The following PTPRD variants were observed in gnomAD, a reference collection of about 807,000 sequenced individuals.
PTPRD encodes the protein protein tyrosine phosphatase receptor type D, also known as receptor-type tyrosine-protein phosphatase delta.
Under a neutral mutation model 214.5 loss-of-function variants are expected in PTPRD, and 34 were observed. The observed-to-expected ratio is 0.16, with a 90% CI of 0.12 to 0.21. The LOEUF is 0.21. Ranked by LOEUF, PTPRD falls within the 10% of genes least tolerant of loss-of-function variation. The pLI, the probability that PTPRD is intolerant of heterozygous loss-of-function variation, is 1.00. For synonymous variants in PTPRD, 1,128 were observed against 845.7 expected, an observed-to-expected ratio of 1.33 and a Z score of -5.79; for missense variants, 2,545 against 2,398.7, an observed-to-expected ratio of 1.06 and a Z score of -1.27.
At chr9:9,450,777 T>C (rs2091924379) in intron 8 of PTPRD, among the ~76,000 whole-genome samples, 1 of 151,562 alleles carries the variant, frequency 6.6e-6, no homozygotes, top group South Asian at 2.1e-4. Context: ...CCCTGTAAAA[T>C]TATCTTTTAA....
intron 2 of PTPRD, among the ~76,000 whole-genome samples, chr9:10,468,593 C>G (rs368618885): frequency 6.6e-6 from 1 of 152,150 alleles, no homozygotes; most frequent in African/African-American, 2.4e-5. Flanking sequence ...CACATGTATA[C>G]CTATGTAACT....
intron 3 of PTPRD, among the ~76,000 whole-genome samples, chr9:10,328,597 A>T (rs1021083637): frequency 6.6e-6 from 1 of 151,822 alleles, no homozygotes; most frequent in Non-Finnish European, 1.5e-5. Context: ...AGTTTTCCCG[A>T]GACTTTGAAT....
chr9:9,010,337 A>G (rs555095028), intron 11 of PTPRD, among the ~76,000 whole-genome samples: 6 of 152,296 alleles, frequency 3.9e-5, no homozygotes, highest in African/African-American at 1.4e-4. Context: ...AGACTTTTTG[A>G]GTTACTGATG....
intron 44 of PTPRD, among the ~76,000 whole-genome samples, chr9:8,330,229 A>C (rs1838689824): frequency 6.6e-6 from 1 of 152,132 alleles, no homozygotes; most frequent in African/African-American, 2.4e-5. Context: ...AGTCCCAATG[A>C]GATGAAATGG....
chr9:8,520,853 T>G (rs2097876199), intron 20 of PTPRD, among the ~76,000 whole-genome samples: 1 of 150,284 alleles, frequency 6.7e-6, no homozygotes, highest in African/African-American at 2.5e-5. Flanking sequence ...GATTTCAACT[T>G]TTTTTTTCTT....
At chr9:10,096,221 T>C (rs969149799) in intron 3 of PTPRD, among the ~76,000 whole-genome samples, 2 of 151,720 alleles carry the variant, frequency 1.3e-5, no homozygotes, top group Admixed American at 6.6e-5. Context: ...ACAGGAAAAG[T>C]TACTAAGATA....
At chr9:8,436,136 G>A (rs1416070632) in intron 35 of PTPRD, among the ~76,000 whole-genome samples, 1 of 152,100 alleles carries the variant, frequency 6.6e-6, no homozygotes, top group Non-Finnish European at 1.5e-5. Flanking sequence ...ATTTATATGT[G>A]AAATCCAAAG....
intron 7 of PTPRD, among the ~76,000 whole-genome samples, chr9:9,670,921 G>A (rs2096820555): frequency 6.6e-6 from 1 of 152,178 alleles, no homozygotes; most frequent in Admixed American, 6.5e-5. Context: ...TGTGGGGTTG[G>A]AGATCCCCAC....
At chr9:9,194,896 G>C (rs2099937387) in intron 9 of PTPRD, among the ~76,000 whole-genome samples, 1 of 151,958 alleles carries the variant, frequency 6.6e-6, no homozygotes, top group South Asian at 2.1e-4. Flanking sequence ...TGTATCTTTA[G>C]TAAGTCAGTG....
intron 29 of PTPRD, among the ~76,000 whole-genome samples, chr9:8,485,007 A>G (rs939825236): frequency 3.3e-5 from 5 of 152,232 alleles, no homozygotes; most frequent in Non-Finnish European, 7.3e-5. Flanking sequence ...GTAACCTACA[A>G]GTGATGCCAG....
At chr9:8,385,398 C>T (rs2086624017) in intron 37 of PTPRD, among the ~76,000 whole-genome samples, 1 of 152,152 alleles carries the variant, frequency 6.6e-6, no homozygotes. Flanking sequence ...GGGTGCTGTG[C>T]ACCTGTAGTC....
intron 3 of PTPRD, among the ~76,000 whole-genome samples, chr9:10,086,248 T>C (rs1401313568): frequency 6.6e-6 from 1 of 151,836 alleles, no homozygotes; most frequent in Admixed American, 6.6e-5. Context: ...CAATTTTAGA[T>C]GTGATCCTCC....
chr9:9,103,415 T>A (rs2099794031), intron 10 of PTPRD, among the ~76,000 whole-genome samples: 2 of 151,960 alleles, frequency 1.3e-5, no homozygotes, highest in African/African-American at 4.8e-5. Flanking sequence ...CATGAAAAAA[T>A]TTTCGTAAGT....
intron 11 of PTPRD, among the ~76,000 whole-genome samples, chr9:8,813,965 C>T (rs1006342251): frequency 2.0e-5 from 3 of 152,202 alleles, no homozygotes; most frequent in African/African-American, 7.2e-5. Flanking sequence ...TTTCGGCCTT[C>T]CTCTGTCACA....
intron 10 of PTPRD, among the ~76,000 whole-genome samples, chr9:9,073,853 C>G (rs1314358855): frequency 6.6e-6 from 1 of 152,002 alleles, no homozygotes; most frequent in Non-Finnish European, 1.5e-5. Flanking sequence ...ATTAAAAATC[C>G]TCATTTTTAT....
chr9:8,762,800 A>T (rs1007265765), intron 11 of PTPRD, among the ~76,000 whole-genome samples: 2 of 152,220 alleles, frequency 1.3e-5, no homozygotes, highest in Admixed American at 1.3e-4. Flanking sequence ...ACTCAGAGAT[A>T]TAGCTATATA....
intron 11 of PTPRD, among the ~76,000 whole-genome samples, chr9:8,855,730 T>A (rs1391045776): frequency 6.6e-6 from 1 of 152,204 alleles, no homozygotes; most frequent in Non-Finnish European, 1.5e-5. Context: ...ACAACTCACA[T>A]TGGAGTCCAT....
rs1040862080 is a variant in PTPRD, at chr9:9,168,600, T to C, written c.-143+14704A>G. 3.9e-5 allele frequency among the ~76,000 whole-genome samples: 6 copies of C among 152,136 alleles called. No individual in the cohort carries two copies. The East Asian group carries it at 7.7e-4, about 20-fold the overall frequency. On this transcript the variant is annotated intron_variant, in intron 10 of 45. Transcript: ENST00000381196. ...TCAAACAAGTAAGCAGCGAAACTTA[T>C]AGTTTAAAAAACGATTTTTTTGCAC...
At chr9:8,974,499 C>G (rs2099257011) in intron 11 of PTPRD, among the ~76,000 whole-genome samples, 1 of 151,998 alleles carries the variant, frequency 6.6e-6, no homozygotes, top group Admixed American at 6.6e-5. Flanking sequence ...CTGTACCCAT[C>G]AACCCATCAT....
Sources: allele counts gnomAD v4.1 joint callset (sites outside exome capture counted in the v4.1 genomes callset), GRCh38; gene constraint gnomAD v4.1.1; transcripts MANE v1.5; gene names NCBI Gene and HGNC (gene_info 2026-07-23, HGNC 2026-07-21).